The following ZC3H13 variants were observed in gnomAD, a reference collection of about 807,000 sequenced individuals.
ZC3H13 encodes zinc finger CCCH-type containing 13.
In ZC3H13, 64 loss-of-function variants were observed where a neutral mutation model predicts 204.1. The observed-to-expected ratio is 0.31, with a 90% confidence interval of 0.26 to 0.39. The LOEUF is 0.39. Ranked by LOEUF, ZC3H13 falls within the 10% of genes least tolerant of loss-of-function variation. The pLI is 1.00. For missense variants in ZC3H13, 1,833 were observed against 2,082.7 expected (o/e 0.88, Z 2.33); for synonymous variants, 667 against 693.7 (o/e 0.96, Z 0.60).
intron 1 of ZC3H13, among the ~76,000 whole-genome samples, chr13:46,047,304 C>A (rs1435890135): frequency 6.6e-6 from 1 of 152,000 alleles, no homozygotes; most frequent in Non-Finnish European, 1.5e-5. Flanking sequence ...TGTAATAATT[C>A]TTTTGATATA....
intron 4 of ZC3H13, among the ~76,000 whole-genome samples, chr13:46,020,838 C>T (rs913547956): frequency 2.6e-5 from 4 of 151,970 alleles, no homozygotes; most frequent in Non-Finnish European, 5.9e-5. Context: ...AGAACAAAAA[C>T]TTTAAATATT....
At chr13:46,002,563 A>G (rs1352208318) in intron 8 of ZC3H13, among the ~76,000 whole-genome samples, 4 of 152,208 alleles carry the variant, frequency 2.6e-5, no homozygotes. Flanking sequence ...TGTGGCATAT[A>G]CATACAATCA....
intron 1 of ZC3H13, among the ~76,000 whole-genome samples, chr13:46,049,313 C>T (rs1480016506): frequency 6.6e-6 from 1 of 151,642 alleles, no homozygotes; most frequent in Non-Finnish European, 1.5e-5. Flanking sequence ...TACACACACA[C>T]ATATTCTTAA....
At chr13:45,984,600 A>G (rs1223037061) in intron 10 of ZC3H13, among the ~76,000 whole-genome samples, 1 of 152,210 alleles carries the variant, frequency 6.6e-6, no homozygotes, top group South Asian at 2.1e-4. Flanking sequence ...CAAAGAAGCT[A>G]AAGGACCCTC....
chr13:46,042,027 A>G, intron 4 of ZC3H13, 137 bp downstream of exon 4: 1 of 599,094 alleles, frequency 1.7e-6, no homozygotes, highest in Non-Finnish European at 2.8e-6. Context: ...TTTCCCTCTA[A>G]ATTACATTAT....
intron 1 of ZC3H13, among the ~76,000 whole-genome samples, chr13:46,050,158 A>G (rs1321458171): frequency 2.0e-5 from 3 of 152,198 alleles, no homozygotes; most frequent in Non-Finnish European, 2.9e-5. Flanking sequence ...TCCGGGACAC[A>G]AAGTTTGAGT....
In ZC3H13 at chr13:46,015,141, C is replaced by G. The variant is rs865848950; in HGVS notation, c.449-3587G>C. ...TAACACCAAACTGTACTCCAAAACT[C>G]CTTTACCAATGTAAACCCCCACTTG... On this transcript the variant is annotated intron_variant, in intron 5 of 18. Coordinates refer to ENST00000679008, the MANE Select transcript of ZC3H13 (RefSeq NM_001330564.2). Among the ~76,000 whole-genome samples the G allele has an allele frequency of 2.0e-5, 3 of 152,130 alleles. No individual in the cohort carries two copies. In the South Asian group the frequency reaches 6.2e-4, roughly 31 times the overall value.
intron 8 of ZC3H13, among the ~76,000 whole-genome samples, chr13:45,991,911 A>C (rs1207263911): frequency 6.6e-6 from 1 of 152,184 alleles, no homozygotes; most frequent in Non-Finnish European, 1.5e-5. Context: ...TAAGAAATTT[A>C]AAAATAAAAA....
intron 9 of ZC3H13, among the ~76,000 whole-genome samples, chr13:45,986,108 A>G (rs1261367034): frequency 6.6e-6 from 1 of 152,214 alleles, no homozygotes; most frequent in Non-Finnish European, 1.5e-5. Context: ...AGTTACTTTA[A>G]TCTTTTCTAT....
intron 4 of ZC3H13, among the ~76,000 whole-genome samples, chr13:46,039,448 A>C (rs1212593429): frequency 3.3e-5 from 5 of 152,254 alleles, no homozygotes; most frequent in Non-Finnish European, 7.3e-5. Flanking sequence ...TAAATCATTT[A>C]CATGTATATT....
Position 45,975,450 on chromosome 13 carries a change from C to A in ZC3H13, c.2301G>T (p.Glu767Asp). Residue 767 changes from glutamate to aspartate, a missense_variant, in exon 12 of 19, where the codon GAG (glutamate) becomes GAT (aspartate). Physicochemically the swap from Glu to Asp is conservative, Grantham distance 45. Transcript: ENST00000679008. ...ERERERERERERERERERERA... is the reference protein window; with the variant it reads ...ERERERERERDRERERERERA... Reference sequence around the variant, plus strand: ...TTTCTCGTTCCCGTTCTCGCTCTCGCTCTCTCTCCCGTTCTCGCTCTCTCT... The same window carrying A: ...TTTCTCGTTCCCGTTCTCGCTCTCGATCTCTCTCCCGTTCTCGCTCTCTCT... The A allele has an allele frequency of 6.2e-7, 1 of 1,613,286 alleles. No individual in the cohort carries two copies. Among genetic ancestry groups the A allele is most frequent in the Non-Finnish European group, 8.5e-7 (1 of 1,179,724 alleles).
chr13:45,970,580 A>T, intron 12 of ZC3H13, 115 bp from the exon 13 acceptor site: 2 of 758,864 alleles, frequency 2.6e-6, no homozygotes. Context: ...TAGGAAAGCA[A>T]TATTGCCAGA....
In ZC3H13 at chr13:46,022,494, G is replaced by A. The variant is rs890912607; in HGVS notation, c.340-1937C>T. ...AAATAAATAGGGTATGGTATTACTC[G>A]TCCAATGTAGTGTAGCACGGTCTAC... On this transcript the variant is annotated intron_variant, in intron 4 of 18. Coordinates refer to ENST00000679008, the MANE Select transcript of ZC3H13 (RefSeq NM_001330564.2). Among the ~76,000 whole-genome samples the A allele has an allele frequency of 5.3e-5, 8 of 151,832 alleles. 1 individual carries two copies. Among genetic ancestry groups the A allele is most frequent in the Middle Eastern group, 6.8e-3 (2 of 294 alleles).
intron 17 of ZC3H13, among the ~76,000 whole-genome samples, chr13:45,961,508 G>A (rs1466777168): frequency 1.5e-5 from 2 of 134,198 alleles, no homozygotes; most frequent in Admixed American, 7.9e-5. Context: ...CCAACAGAGA[G>A]TAGAATGATG....
intron 15 of ZC3H13, among the ~76,000 whole-genome samples, chr13:45,965,922 T>C (rs1952043059): frequency 6.6e-6 from 1 of 152,176 alleles, no homozygotes; most frequent in Non-Finnish European, 1.5e-5. Context: ...ATATAAACTT[T>C]ACAACAGTGA....
At chr13:46,036,843 C>T (rs776869850) in intron 4 of ZC3H13, among the ~76,000 whole-genome samples, 19 of 152,108 alleles carry the variant, frequency 1.2e-4, no homozygotes, top group Admixed American at 3.3e-4. Context: ...CTCAGCCTCC[C>T]GAGTAGCTGG....
At chr13:46,025,029 C>G (rs2042455577) in intron 4 of ZC3H13, among the ~76,000 whole-genome samples, 1 of 152,118 alleles carries the variant, frequency 6.6e-6, no homozygotes, top group Non-Finnish European at 1.5e-5. Context: ...GGAGAAATTT[C>G]CTTTGAAGTT....
intron 4 of ZC3H13, among the ~76,000 whole-genome samples, chr13:46,038,375 C>T (rs531759984): frequency 1.4e-4 from 22 of 152,326 alleles, no homozygotes; most frequent in African/African-American, 5.1e-4. Flanking sequence ...ATTACTTACT[C>T]TCTCCATTGT....
At chr13:46,025,067 T>C (rs1162406160) in intron 4 of ZC3H13, among the ~76,000 whole-genome samples, 1 of 152,222 alleles carries the variant, frequency 6.6e-6, no homozygotes, top group Non-Finnish European at 1.5e-5. Flanking sequence ...TCAGAACATT[T>C]AGTCAAAGAA....
Sources: gnomAD v4.1 joint callset for allele counts (sites outside exome capture counted in the v4.1 genomes callset) on GRCh38, gnomAD v4.1.1 for gene constraint, MANE v1.5 for transcripts, NCBI Gene and HGNC (gene_info 2026-07-23, HGNC 2026-07-21) for gene names.